CPM: variants seen among roughly 807,000 people sequenced by gnomAD.
CPM encodes the protein carboxypeptidase M, also known as renal carboxypeptidase.
A neutral mutation model predicts 46.4 loss-of-function variants in CPM; 35 were observed. The ratio of observed to expected loss-of-function variants is 0.75; its 90% CI spans 0.58 to 1.00. The LOEUF (loss-of-function observed/expected upper bound fraction) is 1.00, where lower values mean the gene tolerates loss of function less well. CPM is among the 50% of genes least tolerant of loss of function. The probability of loss-of-function intolerance (pLI) is 0.00; values close to 1 mark genes in which losing one functional copy is unlikely to be tolerated. For synonymous variants in CPM, 195 were observed against 195.3 expected, an observed-to-expected ratio of 1.00 and a Z score of 0.01; for missense variants, 422 against 530.4, an observed-to-expected ratio of 0.80 and a Z score of 2.01.
At chr12:68,930,844 A>G (rs1399214219) in intron 2 of CPM, among the ~76,000 whole-genome samples, 1 of 152,250 alleles carries the variant, frequency 6.6e-6, no homozygotes, top group Non-Finnish European at 1.5e-5. Context: ...TGAAAATACA[A>G]AACCTTACCA....
intron 3 of CPM, among the ~76,000 whole-genome samples, chr12:68,872,876 A>G (rs1000263880): frequency 6.6e-6 from 1 of 152,200 alleles, no homozygotes; most frequent in East Asian, 1.9e-4. Context: ...TTAAAATGTT[A>G]AAAGCTGTCA....
chr12:68,919,149 A>G (rs1965340), intron 2 of CPM, among the ~76,000 whole-genome samples: 8,409 of 152,204 alleles, frequency 0.055, 630 homozygotes, highest in African/African-American at 0.17. Flanking sequence ...TCAGATCTCC[A>G]CTTTAACCTA....
chr12:68,920,226 C>T (rs950497442), intron 2 of CPM, among the ~76,000 whole-genome samples: 1 of 152,194 alleles, frequency 6.6e-6, no homozygotes, highest in African/African-American at 2.4e-5. Flanking sequence ...CCAATTAAAC[C>T]TCTTTTCTTT....
chr12:68,869,900 T>A (rs1300054075), intron 5 of CPM, among the ~76,000 whole-genome samples: 1 of 152,178 alleles, frequency 6.6e-6, no homozygotes, highest in African/African-American at 2.4e-5. Flanking sequence ...AGTGAGTTGT[T>A]CCAGTTTTAT....
intron 2 of CPM, among the ~76,000 whole-genome samples, chr12:68,917,498 T>G (rs1349881442): frequency 6.6e-6 from 1 of 152,224 alleles, no homozygotes; most frequent in Admixed American, 6.5e-5. Flanking sequence ...AGTTTTGACT[T>G]TCACCTGCAT....
chr12:68,871,135 GTT>G (rs1885675415), intron 4 of CPM, among the ~76,000 whole-genome samples: 1 of 152,148 alleles, frequency 6.6e-6, no homozygotes, highest in African/African-American at 2.4e-5. Context: ...AAAATAAACT[GTT>G]TAAATCAGAG....
In CPM at chr12:68,939,313, A is replaced by G. The variant is rs1266712647; in HGVS notation, c.-3-6473T>C. Among the ~76,000 whole-genome samples, 10 of 147,852 alleles carry G rather than the reference A, an allele frequency of 6.8e-5. No homozygotes were observed. In the South Asian group the frequency reaches 8.3e-4, roughly 12 times the overall value. ...TAGTATATGTATTATGTGTACACAT[A>G]CCTATATACATATTGTATTTATATT... is the stretch of plus-strand genomic sequence containing the variant. On this transcript the variant is annotated intron_variant, in intron 1 of 8. Coordinates refer to the CPM transcript ENST00000546373.
At chr12:68,865,585 C>T (rs1018040425) in intron 7 of CPM, among the ~76,000 whole-genome samples, 1 of 152,056 alleles carries the variant, frequency 6.6e-6, no homozygotes, top group African/African-American at 2.4e-5. Flanking sequence ...GCAGTAGGCC[C>T]ATGCAGCAAA....
rs557485424 is a variant in CPM at position 68,858,866 on chromosome 12, A to G, written c.1089+57T>C. On this transcript the variant is annotated intron_variant, in intron 8 of 8. Transcript: ENST00000551568. ...CTTATTTTGGATTCCTTCTGGGTGA[A>G]TAAGTATTATGAGTTCTATAATATT... 8.6e-4 allele frequency: 962 copies of G among 1,122,584 alleles called. 4 individuals are homozygous for G. The highest frequency in any genetic ancestry group is 1.0e-3 in the Non-Finnish European group (861 of 851,238). The allele number at this position is 1,122,584 out of a possible 1,614,324, so 69.5% of individuals were successfully genotyped here. A position where few individuals can be genotyped will look rare whatever the true frequency, so the allele number is the denominator to read the frequency against.
chr12:68,861,325 A>G (rs139737058), intron 7 of CPM, among the ~76,000 whole-genome samples: 97 of 152,268 alleles, frequency 6.4e-4, no homozygotes, highest in African/African-American at 2.1e-3. Context: ...TATGCATATT[A>G]TTTCCTTTTC....
rs60522842 is a variant in CPM, at chr12:68,882,024, C to CTTT, written c.258+3765_258+3767dup. Among the ~76,000 whole-genome samples the CTTT allele has an allele frequency of 2.0e-3, 248 of 124,710 alleles. 10 individuals are homozygous for CTTT. The highest frequency in any genetic ancestry group is 6.0e-3 in the East Asian group (27 of 4,466). 81.8% of individuals were successfully genotyped at this position (124,710 alleles called of 152,430 possible). On this transcript the variant is annotated intron_variant, in intron 3 of 8. Coordinates refer to ENST00000551568, the MANE Select transcript of CPM (RefSeq NM_198320.5). ...GGCGTGAGCCACCACGCCCGGCCTG[C>CTTT]TTTTTTTTTTTTTTTTTTTTTTAAC...
At chr12:68,925,302 A>G (rs1457585627) in intron 2 of CPM, among the ~76,000 whole-genome samples, 1 of 152,196 alleles carries the variant, frequency 6.6e-6, no homozygotes, top group Admixed American at 6.5e-5. Context: ...AATAATAATA[A>G]TAATAGCAGC....
intron 2 of CPM, among the ~76,000 whole-genome samples, chr12:68,920,317 G>A (rs1646023389): frequency 6.6e-6 from 1 of 152,114 alleles, no homozygotes; most frequent in African/African-American, 2.4e-5. Context: ...GTTAAACAAT[G>A]GGAAAACTGC....
intron 3 of CPM, among the ~76,000 whole-genome samples, chr12:68,879,573 C>A (rs965210431): frequency 6.6e-6 from 1 of 152,060 alleles, no homozygotes. Flanking sequence ...CTATGTTTCT[C>A]AGGCTAGTCT....
At chr12:68,901,777 C>T (rs751573961) in intron 2 of CPM, among the ~76,000 whole-genome samples, 4 of 152,090 alleles carry the variant, frequency 2.6e-5, no homozygotes, top group Non-Finnish European at 4.4e-5. Context: ...AATAAATGTT[C>T]GGACTTATTC....
intron 2 of CPM, among the ~76,000 whole-genome samples, chr12:68,901,433 A>C (rs1247869873): frequency 6.6e-6 from 1 of 152,254 alleles, no homozygotes; most frequent in Non-Finnish European, 1.5e-5. Context: ...ATGAAAACAC[A>C]GAGCTATACT....
intron 2 of CPM, among the ~76,000 whole-genome samples, chr12:68,919,050 TCTA>T: frequency 6.6e-6 from 1 of 152,334 alleles, no homozygotes; most frequent in East Asian, 1.9e-4. Flanking sequence ...TCACTTCTGT[TCTA>T]CTCTTTCCAC....
At position 68,874,772 on chromosome 12, in the gene CPM, C is replaced by T. The variant is rs150295165; in HGVS notation, c.259-2816G>A. 1.8e-4 allele frequency among the ~76,000 whole-genome samples: 28 copies of T among 152,180 alleles called. No individual in the cohort carries two copies. In the South Asian group the frequency reaches 2.5e-3, roughly 14 times the overall value. Reference sequence around the variant, plus strand: ...GTTAGAGGCCATAGTATGGTTCAATCGGCAAAAATCCCTGGCCTATCTGAG... The same window carrying T: ...GTTAGAGGCCATAGTATGGTTCAATTGGCAAAAATCCCTGGCCTATCTGAG... On this transcript the variant is annotated intron_variant, in intron 3 of 8. Coordinates refer to ENST00000551568, the MANE Select transcript of CPM (RefSeq NM_198320.5).
At chr12:68,946,222 C>T (rs890731888) in intron 1 of CPM, among the ~76,000 whole-genome samples, 2 of 152,098 alleles carry the variant, frequency 1.3e-5, no homozygotes, top group African/African-American at 4.8e-5. Context: ...TTTCCCTCTC[C>T]AGTTTTCCCC....
Sources: gnomAD v4.1 joint callset for allele counts (sites outside exome capture counted in the v4.1 genomes callset) on GRCh38, gnomAD v4.1.1 for gene constraint, MANE v1.5 for transcripts, NCBI Gene and HGNC (gene_info 2026-07-23, HGNC 2026-07-21) for gene names.